The following C8orf34 variants were observed in gnomAD, a reference collection of about 807,000 sequenced individuals.
The protein encoded by C8orf34 is chromosome 8 open reading frame 34.
Under a neutral mutation model 68.3 loss-of-function variants are expected in C8orf34, and 65 were observed. The ratio of observed to expected loss-of-function variants is 0.95; its 90% CI spans 0.78 to 1.17. The LOEUF is 1.17. Among genes scored for constraint, C8orf34 ranks in the 50% most tolerant of loss-of-function variants. The pLI is 0.00. For missense variants in C8orf34, 664 were observed against 655.4 expected (o/e 1.01, Z -0.14); for synonymous variants, 244 against 241.2 (o/e 1.01, Z -0.11).
At chr8:68,335,028 T>C (rs889387988) in intron 1 of C8orf34, among the ~76,000 whole-genome samples, 2 of 152,164 alleles carry the variant, frequency 1.3e-5, no homozygotes, top group Admixed American at 1.3e-4. Context: ...AAATGCTCCT[T>C]GCGTTTATCA....
chr8:68,792,027 A>G (rs1824008661), intron 12 of C8orf34: 1 of 152,192 alleles, frequency 6.6e-6, no homozygotes, highest in Non-Finnish European at 1.5e-5. Context: ...TTATAATAAC[A>G]ATTGGCCAGC....
intron 12 of C8orf34, among the ~76,000 whole-genome samples, chr8:68,790,448 C>T (rs1823961775): frequency 6.6e-6 from 1 of 152,166 alleles, no homozygotes; most frequent in East Asian, 1.9e-4. Flanking sequence ...ACAAGATCAT[C>T]TTGGCAGATA....
rs1049487073 is a variant in C8orf34 at position 68,541,540 on chromosome 8, C to T, written c.1105+8391C>T. ...ATAATTCATATCATTTTAATACCAA[C>T]GCCTCTCCTGTCTTTAGCATGTAAG... On this transcript the variant is annotated intron_variant, in intron 7 of 13. Transcript: ENST00000518698. Among the ~76,000 whole-genome samples, 52 of 152,168 alleles carry T rather than the reference C, an allele frequency of 3.4e-4. 1 individual carries two copies. Among genetic ancestry groups the T allele is most frequent in the Admixed American group, 3.3e-3 (50 of 15,280 alleles).
At chr8:68,494,266 G>A (rs956302888) in intron 5 of C8orf34, among the ~76,000 whole-genome samples, 3 of 152,164 alleles carry the variant, frequency 2.0e-5, no homozygotes, top group Non-Finnish European at 4.4e-5. Context: ...AGTGAAATAA[G>A]CCAGTCATAA....
chr8:68,453,181 A>G (rs1811416771), intron 3 of C8orf34, among the ~76,000 whole-genome samples: 1 of 151,934 alleles, frequency 6.6e-6, no homozygotes, highest in Non-Finnish European at 1.5e-5. Context: ...GTTTTGTGAT[A>G]AGTTTTGAAA....
At chr8:68,644,618 C>G (rs1410648656) in intron 8 of C8orf34, among the ~76,000 whole-genome samples, 4 of 152,132 alleles carry the variant, frequency 2.6e-5, no homozygotes, top group Non-Finnish European at 4.4e-5. Flanking sequence ...TGAATCAGGT[C>G]TGGAAGAATG....
chr8:68,815,897 C>T lies in C8orf34; in HGVS notation c.1561C>T (p.Leu521Phe). The T allele has an allele frequency of 6.2e-7, 1 of 1,613,720 alleles. No homozygotes were observed. The highest frequency in any genetic ancestry group is 2.2e-5 in the East Asian group (1 of 44,870). Residue 521 changes from leucine (L) to phenylalanine (F), a missense_variant, in exon 13 of 14, where the codon CTT becomes TTT. Transcript: ENST00000518698. ...CTTTTGTTGTGCAGGTTCCGCTGAT[C>T]TTCTTCTTTGCGTTCCATGCTCTTC... ...EAEQEKRSAD[L>F]LLCVPCSSCP...
intron 7 of C8orf34, among the ~76,000 whole-genome samples, chr8:68,621,102 A>G (rs1374777623): frequency 6.6e-6 from 1 of 152,232 alleles, no homozygotes; most frequent in Admixed American, 6.5e-5. Context: ...CAAAAGTTCT[A>G]GGAGATGTAC....
At chr8:68,625,471 CAG>C (rs1818511498) in intron 7 of C8orf34, 1 of 563,354 alleles carries the variant, frequency 1.8e-6, no homozygotes, top group African/African-American at 1.9e-5. Flanking sequence ...GAAAATGAAA[CAG>C]AATTGAAAAT....
chr8:68,743,864 A>G (rs1229014326), intron 10 of C8orf34, among the ~76,000 whole-genome samples: 1 of 152,222 alleles, frequency 6.6e-6, no homozygotes, highest in Non-Finnish European at 1.5e-5. Context: ...CCGGAGCTGG[A>G]ACTGAGTGGA....
At chr8:68,466,075 C>T (rs1441292851) in intron 3 of C8orf34, among the ~76,000 whole-genome samples, 1 of 149,934 alleles carries the variant, frequency 6.7e-6, no homozygotes, top group East Asian at 1.9e-4. Flanking sequence ...TCATTCTCAG[C>T]AACACGGTGA....
At chr8:68,572,135 A>G (rs1279283717) in intron 7 of C8orf34, among the ~76,000 whole-genome samples, 2 of 152,030 alleles carry the variant, frequency 1.3e-5, no homozygotes, top group African/African-American at 2.4e-5. Flanking sequence ...AACATAGAAA[A>G]GCTGCAGTAA....
chr8:68,439,440 C>T (rs1810803294), intron 1 of C8orf34, 59 bp from the exon 2 acceptor site: 1 of 1,532,248 alleles, frequency 6.5e-7, no homozygotes, highest in Non-Finnish European at 8.9e-7. Context: ...TAAGTAAGTG[C>T]TTGCTATTAC....
intron 4 of C8orf34, among the ~76,000 whole-genome samples, chr8:68,478,988 T>C (rs985966978): frequency 6.6e-6 from 1 of 152,228 alleles, no homozygotes; most frequent in Non-Finnish European, 1.5e-5. Flanking sequence ...ATTAGTTGTC[T>C]GTGACTGGGG....
In C8orf34 at chr8:68,369,436, T is replaced by C. The variant is rs79718102; in HGVS notation, c.327+38097T>C. Among the ~76,000 whole-genome samples, 1,234 of 152,344 alleles carry C rather than the reference T, an allele frequency of 8.1e-3. 40 individuals carry two copies. The East Asian group carries it at 0.1, about 13-fold the overall frequency. On this transcript the variant is annotated intron_variant, in intron 1 of 13. Transcript: ENST00000518698. ...CCATGCCGGACTAGGTCTAAACCAG[T>C]CCCACATTTTCTGTTTGCCTCTTCT...
At position 68,619,969 on chromosome 8, in the gene C8orf34, TAGTC is replaced by T. The variant is rs1233022356; in HGVS notation, c.1106-20404_1106-20401del. Among the ~76,000 whole-genome samples, 10 of 152,266 alleles carry T rather than the reference TAGTC, an allele frequency of 6.6e-5. 1 individual carries two copies. In the Middle Eastern group the frequency reaches 0.01, roughly 155 times the overall value. The stretch of plus-strand genomic sequence containing the variant: ...AACCTGGGTGTGTAGGGTATAGAAA[TAGTC>T]AGAGTGAAGAGGATTAGAAGTGAAG... On this transcript the variant is annotated intron_variant, in intron 7 of 13. Transcript: ENST00000518698.
intron 12 of C8orf34, among the ~76,000 whole-genome samples, chr8:68,808,182 C>G (rs1278682705): frequency 1.3e-5 from 2 of 152,170 alleles, no homozygotes; most frequent in African/African-American, 4.8e-5. Context: ...TGCCTTCACA[C>G]AGGTTTTTAA....
chr8:68,496,554 T>G (rs1813531966), intron 5 of C8orf34, among the ~76,000 whole-genome samples: 1 of 152,208 alleles, frequency 6.6e-6, no homozygotes, highest in African/African-American at 2.4e-5. Flanking sequence ...TGTGTACCAT[T>G]GACATCAGCT....
chr8:68,656,711 C>T (rs181896855), intron 8 of C8orf34, among the ~76,000 whole-genome samples: 1 of 152,194 alleles, frequency 6.6e-6, no homozygotes, highest in Non-Finnish European at 1.5e-5. Context: ...CTCCTCCTCT[C>T]ACAATGCCTA....
Sources: allele counts gnomAD v4.1 joint callset (sites outside exome capture counted in the v4.1 genomes callset), GRCh38; gene constraint gnomAD v4.1.1; transcripts MANE v1.5; gene names NCBI Gene and HGNC (gene_info 2026-07-23, HGNC 2026-07-21).